Variants in PAK3 observed in about 807,000 individuals in gnomAD.
PAK3 encodes serine/threonine-protein kinase PAK 3.
In PAK3, 4 loss-of-function variants were observed where a neutral mutation model predicts 41.0. That is an observed-to-expected ratio of 0.10 (90% CI 0.05 to 0.22). The LOEUF (loss-of-function observed/expected upper bound fraction) is 0.22. Ranked by LOEUF, PAK3 falls within the 10% of genes least tolerant of loss-of-function variation. The pLI, the probability that PAK3 is intolerant of heterozygous loss-of-function variation, is 1.00. For synonymous variants in PAK3, 146 were observed against 139.6 expected, an observed-to-expected ratio of 1.05 and a Z score of -0.32; for missense variants, 205 against 409.9, an observed-to-expected ratio of 0.50 and a Z score of 4.32.
chrX:111,105,995 C>T (rs769556623), intron 4 of PAK3, among the ~76,000 whole-genome samples: 17 of 111,785 alleles, frequency 1.5e-4, no homozygotes, highest in African/African-American at 4.9e-4. Flanking sequence ...TTAACACTCA[C>T]ATATTCACTC....
intron 1 of PAK3, among the ~76,000 whole-genome samples, chrX:111,029,647 G>A (rs1237391613): frequency 9.0e-6 from 1 of 111,616 alleles, no homozygotes; most frequent in Non-Finnish European, 1.9e-5. Flanking sequence ...CTGAAATAGT[G>A]GGCCACTGCA....
At position 111,225,840 on chromosome X, in the gene PAK3, T is replaced by C. The variant is rs2094950095; in HGVS notation, c.*5393T>C. 1 of 111,675 alleles carries C rather than the reference T, an allele frequency of 9.0e-6. No individual in the cohort carries two copies. Among genetic ancestry groups the C allele is most frequent in the South Asian group, 3.8e-4 (1 of 2,638 alleles). 9.2% of individuals were successfully genotyped at this position (111,675 alleles called of 1,213,427 possible). On this transcript the variant is annotated 3_prime_UTR_variant, in exon 18 of 18. Coordinates refer to ENST00000372007, the MANE Select transcript of PAK3 (RefSeq NM_002578.5). ...ATCACGTTTAAGCCTGAGTCTCTTA[T>C]GTTGCAGTTAAATAAAAGAACTATG...
intron 6 of PAK3, among the ~76,000 whole-genome samples, chrX:111,146,310 A>G (rs1436310267): frequency 1.8e-5 from 2 of 111,479 alleles, no homozygotes; most frequent in African/African-American, 6.5e-5. Flanking sequence ...CCAAACTTTG[A>G]AGCATCGTCG....
At chrX:110,955,049 C>T (rs1345786711) in intron 1 of PAK3, among the ~76,000 whole-genome samples, 1 of 111,689 alleles carries the variant, frequency 9.0e-6, no homozygotes, top group African/African-American at 3.3e-5. Flanking sequence ...TTCTTCCTGT[C>T]TGATTCTCAT....
chrX:111,088,699 T>C (rs930656723), intron 1 of PAK3, among the ~76,000 whole-genome samples: 2 of 111,934 alleles, frequency 1.8e-5, no homozygotes, highest in African/African-American at 6.5e-5. Flanking sequence ...TATTGTGTGG[T>C]TTAAGAACTG....
At chrX:111,070,679 C>G (rs1025136709) in intron 1 of PAK3, among the ~76,000 whole-genome samples, 3 of 111,953 alleles carry the variant, frequency 2.7e-5, no homozygotes, top group African/African-American at 9.7e-5. Flanking sequence ...TGATGTAGTT[C>G]CCTTCTTTCA....
intron 1 of PAK3, among the ~76,000 whole-genome samples, chrX:111,023,993 C>T (rs1296597744): frequency 2.7e-5 from 3 of 110,588 alleles, no homozygotes; most frequent in Non-Finnish European, 5.7e-5. Context: ...AATGGTATTG[C>T]CTAGGTTTTC....
intron 1 of PAK3, among the ~76,000 whole-genome samples, chrX:111,087,265 T>G (rs962022935): frequency 9.1e-6 from 1 of 110,245 alleles, no homozygotes; most frequent in Admixed American, 9.7e-5. Flanking sequence ...TTAAAATTCA[T>G]CAGTTAATTG....
chrX:111,043,593 TG>T (rs2092471497), intron 1 of PAK3, among the ~76,000 whole-genome samples: 2 of 112,176 alleles, frequency 1.8e-5, no homozygotes, highest in Non-Finnish European at 3.8e-5. Context: ...AGTAGTGATT[TG>T]AAGCCCAGAA....
chrX:111,166,250 T>C (rs1274386058), intron 10 of PAK3, among the ~76,000 whole-genome samples: 2 of 111,429 alleles, frequency 1.8e-5, no homozygotes, highest in African/African-American at 6.5e-5. Flanking sequence ...TTCAGACAAG[T>C]CACTTAACTC....
At chrX:111,024,219 T>C (rs2092236176) in intron 1 of PAK3, among the ~76,000 whole-genome samples, 1 of 111,889 alleles carries the variant, frequency 8.9e-6, no homozygotes, top group Admixed American at 9.5e-5. Context: ...TGTGGTGTTA[T>C]TTCTGAGGCC....
At chrX:111,004,771 A>G (rs1022583606) in intron 1 of PAK3, among the ~76,000 whole-genome samples, 3 of 112,270 alleles carry the variant, frequency 2.7e-5, no homozygotes, top group African/African-American at 9.7e-5. Flanking sequence ...GGAATTTCCT[A>G]ATGGTTGTCT....
intron 1 of PAK3, among the ~76,000 whole-genome samples, chrX:111,004,386 T>C (rs2091891939): frequency 8.9e-6 from 1 of 111,921 alleles, no homozygotes; most frequent in South Asian, 3.8e-4. Flanking sequence ...TTTGTGTGAG[T>C]GTATGTCTGA....
At chrX:111,019,535 A>AC (rs1367227845) in intron 1 of PAK3, among the ~76,000 whole-genome samples, 1 of 105,191 alleles carries the variant, frequency 9.5e-6, no homozygotes, top group Non-Finnish European at 2.0e-5. Flanking sequence ...CTTTACAAAA[A>AC]AAAAAAAAAA....
chrX:111,048,057 C>G (rs1186966272), intron 1 of PAK3, among the ~76,000 whole-genome samples: 2 of 111,821 alleles, frequency 1.8e-5, no homozygotes, highest in Admixed American at 1.9e-4. Flanking sequence ...TTTAGACAAG[C>G]ATCTACCCCC....
rs758517676 is a variant in PAK3 at position 111,149,129 on chromosome X, G to A, written c.430+1239G>A. ...CCATGCAAGTCCAAAATCCAGCAGG[G>A]CAGTCAAATCTTAAAGCTCCAAAAT... On this transcript the variant is annotated intron_variant, in intron 7 of 17. Transcript: ENST00000372007. Among the ~76,000 whole-genome samples the A allele has an allele frequency of 1.1e-4, 12 of 111,506 alleles. No individual in the cohort carries two copies. In the South Asian group the frequency reaches 1.9e-3, roughly 18 times the overall value.
At chrX:111,121,920 G>GA (rs1278308459) in intron 4 of PAK3, among the ~76,000 whole-genome samples, 1 of 110,761 alleles carries the variant, frequency 9.0e-6, no homozygotes. Context: ...CCAGGGGAAT[G>GA]AAAACCAAAT....
intron 4 of PAK3, among the ~76,000 whole-genome samples, chrX:111,107,491 G>A (rs2093292151): frequency 8.9e-6 from 1 of 112,207 alleles, no homozygotes; most frequent in Non-Finnish European, 1.9e-5. Flanking sequence ...ATAAAAAGAA[G>A]CACAAACCCA....
At chrX:111,006,750 T>G (rs1316160714) in intron 1 of PAK3, among the ~76,000 whole-genome samples, 2 of 110,945 alleles carry the variant, frequency 1.8e-5, no homozygotes, top group African/African-American at 6.5e-5. Context: ...CTCCTGGAGA[T>G]CTGGTTAAAA....
Sources: gnomAD v4.1 joint callset for allele counts (sites outside exome capture counted in the v4.1 genomes callset) on GRCh38, gnomAD v4.1.1 for gene constraint, MANE v1.5 for transcripts, NCBI Gene and HGNC (gene_info 2026-07-23, HGNC 2026-07-21) for gene names.